Variants in ATP8A1 observed in about 807,000 individuals in gnomAD.
The protein encoded by ATP8A1 is ATPase phospholipid transporting 8A1, also known as phospholipid-transporting ATPase IA.
In ATP8A1, 90 loss-of-function variants were observed where a neutral mutation model predicts 177.7. The observed-to-expected ratio is 0.51, with a 90% CI of 0.43 to 0.60. ATP8A1 has a LOEUF of 0.60. ATP8A1 is among the 20% of genes least tolerant of loss of function. The pLI is 0.00. For synonymous variants in ATP8A1, 493 were observed against 485.9 expected, an observed-to-expected ratio of 1.01 and a Z score of -0.19; for missense variants, 1,072 against 1,392.8, an observed-to-expected ratio of 0.77 and a Z score of 3.67.
At chr4:42,624,465 G>GA (rs1232119660) in intron 4 of ATP8A1, 71 bp downstream of exon 4, 5 of 834,784 alleles carry the variant, frequency 6.0e-6, no homozygotes, top group Non-Finnish European at 8.9e-6. Context: ...AATAATTTAA[G>GA]AAAAAACTAA....
chr4:42,550,565 G>A (rs1368229558), intron 18 of ATP8A1, among the ~76,000 whole-genome samples: 1 of 152,094 alleles, frequency 6.6e-6, no homozygotes, highest in African/African-American at 2.4e-5. Flanking sequence ...AGCAGTATAT[G>A]AGTATCCCAC....
chr4:42,583,207 T>C (rs1009696036), intron 9 of ATP8A1, among the ~76,000 whole-genome samples: 4 of 152,158 alleles, frequency 2.6e-5, no homozygotes, highest in Admixed American at 2.0e-4. Context: ...TCAATCCCGA[T>C]GCGTAGGTAA....
chr4:42,635,752 TATACAC>T (rs1259173649), intron 1 of ATP8A1, among the ~76,000 whole-genome samples: 1 of 70,826 alleles, frequency 1.4e-5, no homozygotes, highest in East Asian at 3.1e-4. Context: ...TATACATATA[TATACAC>T]ACACACACAC....
chr4:42,431,694 A>G (rs1014727098), intron 33 of ATP8A1, among the ~76,000 whole-genome samples: 1 of 152,002 alleles, frequency 6.6e-6, no homozygotes, highest in Admixed American at 6.6e-5. Context: ...TCTGGCTCTG[A>G]CCCCTCTGAA....
At chr4:42,479,238 T>C (rs959397064) in intron 25 of ATP8A1, among the ~76,000 whole-genome samples, 4 of 152,200 alleles carry the variant, frequency 2.6e-5, no homozygotes, top group African/African-American at 4.8e-5. Context: ...CAGAGTTGAG[T>C]AGCTGTAAGG....
chr4:42,484,449 A>T (rs1302572362), intron 25 of ATP8A1, among the ~76,000 whole-genome samples: 1 of 152,192 alleles, frequency 6.6e-6, no homozygotes, highest in Non-Finnish European at 1.5e-5. Context: ...TGATGCTTAT[A>T]AAGGATATTG....
chr4:42,534,197 T>C (rs920138445), intron 20 of ATP8A1, among the ~76,000 whole-genome samples: 1 of 152,138 alleles, frequency 6.6e-6, no homozygotes, highest in Admixed American at 6.5e-5. Flanking sequence ...AGAAACAGAA[T>C]TCAGAAGGTC....
chr4:42,418,045 C>T (rs1055332188), intron 35 of ATP8A1, among the ~76,000 whole-genome samples: 2 of 152,178 alleles, frequency 1.3e-5, no homozygotes, highest in Non-Finnish European at 2.9e-5. Context: ...AGTGTGAACA[C>T]TGAGAAATAA....
chr4:42,456,721 A>C (rs999419101), intron 27 of ATP8A1, among the ~76,000 whole-genome samples: 1 of 152,226 alleles, frequency 6.6e-6, no homozygotes, highest in African/African-American at 2.4e-5. Flanking sequence ...ATAAGCACAA[A>C]TACAAAAACA....
rs779661502 is a variant in ATP8A1, at chr4:42,423,616, C to A, written c.3212+1G>T. On this transcript the variant is annotated splice_donor_variant, in intron 34 of 36. Transcript: ENST00000381668. LOFTEE classifies it high-confidence loss of function. ...CCGTATATAACTGAGTATATACTTA[C>A]ACCTTGTACACCACATCAAGGAGCA... is the stretch of plus-strand genomic sequence containing the variant. 1.9e-6 allele frequency: 3 copies of A among 1,604,082 alleles called. No homozygotes were observed. The highest frequency in any genetic ancestry group is 1.3e-5 in the African/African-American group (1 of 74,720).
intron 27 of ATP8A1, among the ~76,000 whole-genome samples, chr4:42,457,515 C>A (rs1381134380): frequency 6.6e-6 from 1 of 152,154 alleles, no homozygotes; most frequent in Non-Finnish European, 1.5e-5. Context: ...CACAGTCTAA[C>A]CTTTGTTGGT....
At chr4:42,613,169 G>A (rs17448087) in intron 5 of ATP8A1, among the ~76,000 whole-genome samples, 34,246 of 152,124 alleles carry the variant, frequency 0.23, 4,349 homozygotes, top group Non-Finnish European at 0.29. Flanking sequence ...TATCCTACTC[G>A]AACATTTTTG....
At chr4:42,471,373 T>C (rs1349468754) in intron 25 of ATP8A1, among the ~76,000 whole-genome samples, 1 of 152,210 alleles carries the variant, frequency 6.6e-6, no homozygotes. Flanking sequence ...ACAGATAGCC[T>C]TTCCATAGGA....
intron 25 of ATP8A1, among the ~76,000 whole-genome samples, chr4:42,481,024 C>T (rs546721450): frequency 1.3e-5 from 2 of 152,292 alleles, no homozygotes; most frequent in South Asian, 2.1e-4. Context: ...CTGACAACTA[C>T]AGAAAAATGT....
Position 42,413,760 on chromosome 4 carries a change from C to T in ATP8A1, c.3398-747G>A, listed in dbSNP as rs1365797607. 6.1e-4 allele frequency among the ~76,000 whole-genome samples: 92 copies of T among 151,934 alleles called. 1 individual carries two copies. Among genetic ancestry groups the T allele is most frequent in the Admixed American group, 6.1e-3 (92 of 15,198 alleles). ...CTTGACTCACAGCGGGCTGAATCCA[C>T]AGATGTGGAACCCACTGATAGAAAG... is the stretch of plus-strand genomic sequence containing the variant. On this transcript the variant is annotated intron_variant, in intron 36 of 36. Transcript: ENST00000381668.
chr4:42,579,772 G>C (rs1050950246), intron 11 of ATP8A1, 41 bp downstream of exon 11: 1 of 1,513,536 alleles, frequency 6.6e-7, no homozygotes. Flanking sequence ...ACAAATACAT[G>C]TCTTAATCTA....
At chr4:42,507,274 G>A in intron 22 of ATP8A1, 120 bp from the exon 23 acceptor site, 1 of 1,062,606 alleles carries the variant, frequency 9.4e-7, no homozygotes, top group South Asian at 1.6e-5. Context: ...GGACTTTGGT[G>A]TAAATTCCAA....
At chr4:42,628,682 T>A (rs1738382158) in intron 1 of ATP8A1, among the ~76,000 whole-genome samples, 1 of 152,194 alleles carries the variant, frequency 6.6e-6, no homozygotes. Flanking sequence ...TAGTTTTGTA[T>A]AATTGAAATT....
chr4:42,509,849 C>CAAA lies in ATP8A1; in HGVS notation c.1948-2698_1948-2696dup, dbSNP rs751055015. Among the ~76,000 whole-genome samples the CAAA allele has an allele frequency of 4.9e-3, 384 of 78,936 alleles. 2 individuals are homozygous for CAAA. The highest frequency in any genetic ancestry group is 7.2e-3 in the Non-Finnish European group (275 of 38,050). The allele number at this position is 78,936 out of a possible 152,430, so 51.8% of individuals were successfully genotyped here. A position where few individuals can be genotyped will look rare whatever the true frequency, so the allele number is the denominator to read the frequency against. On this transcript the variant is annotated intron_variant, in intron 22 of 36. Coordinates refer to ENST00000381668, the MANE Select transcript of ATP8A1 (RefSeq NM_006095.2). Reference sequence around the variant, plus strand: ...CCTGGGCAACAGAGCGAGACAGTCTCAAAAAAAAAAAAAAAAAAAAAAAAG... The same window carrying CAAA: ...CCTGGGCAACAGAGCGAGACAGTCTCAAAAAAAAAAAAAAAAAAAAAAAAAAAG...
Sources: gnomAD v4.1 joint callset for allele counts (sites outside exome capture counted in the v4.1 genomes callset) on GRCh38, gnomAD v4.1.1 for gene constraint, MANE v1.5 for transcripts, NCBI Gene and HGNC (gene_info 2026-07-23, HGNC 2026-07-21) for gene names.